CTNND2: variants seen among roughly 807,000 people sequenced by gnomAD.
CTNND2 encodes the protein catenin delta 2, also known as catenin delta-2.
A neutral mutation model predicts 144.4 loss-of-function variants in CTNND2; 22 were observed. The ratio of observed to expected loss-of-function variants is 0.15; its 90% CI spans 0.11 to 0.22. CTNND2 has a LOEUF of 0.22. Ranked by LOEUF, CTNND2 falls within the 10% of genes least tolerant of loss-of-function variation. The pLI is 1.00. For missense variants in CTNND2, 1,353 were observed against 1,618.8 expected, an observed-to-expected ratio of 0.84 and a Z score of 2.82; for synonymous variants, 751 against 695.6, an observed-to-expected ratio of 1.08 and a Z score of -1.25.
At chr5:11,177,106 A>G (rs1760551030) in intron 11 of CTNND2, among the ~76,000 whole-genome samples, 1 of 152,226 alleles carries the variant, frequency 6.6e-6, no homozygotes, top group Non-Finnish European at 1.5e-5. Context: ...GAATGTTATG[A>G]ACAGATGGAG....
chr5:11,863,457 G>A (rs1164439538), intron 1 of CTNND2, among the ~76,000 whole-genome samples: 2 of 152,174 alleles, frequency 1.3e-5, no homozygotes, highest in African/African-American at 4.8e-5. Context: ...GCATTACATG[G>A]ACAGCTGCTA....
At chr5:11,871,854 T>C (rs568243616) in intron 1 of CTNND2, among the ~76,000 whole-genome samples, 7 of 152,246 alleles carry the variant, frequency 4.6e-5, no homozygotes, top group East Asian at 1.9e-4. Flanking sequence ...AATGATTACA[T>C]AGTTTTAGGG....
chr5:11,774,433 G>C (rs1180412634), intron 1 of CTNND2, among the ~76,000 whole-genome samples: 1 of 148,300 alleles, frequency 6.7e-6, no homozygotes, highest in East Asian at 2.0e-4. Context: ...ATAGCACTGG[G>C]AGATATACCT....
At chr5:11,331,809 A>T (rs557675911) in intron 9 of CTNND2, among the ~76,000 whole-genome samples, 2 of 152,316 alleles carry the variant, frequency 1.3e-5, no homozygotes, top group African/African-American at 4.8e-5. Flanking sequence ...TTGGTCAATG[A>T]GTACAAAATT....
chr5:11,767,650 C>A (rs1298742377), intron 1 of CTNND2, among the ~76,000 whole-genome samples: 1 of 152,116 alleles, frequency 6.6e-6, no homozygotes, highest in African/African-American at 2.4e-5. Flanking sequence ...TCCTAGGATG[C>A]CTATCAAGGC....
chr5:11,451,054 G>T (rs1366543250), intron 3 of CTNND2, among the ~76,000 whole-genome samples: 2 of 151,576 alleles, frequency 1.3e-5, no homozygotes, highest in Non-Finnish European at 2.9e-5. Flanking sequence ...ATCATAACAT[G>T]CAAATGTAGA....
At chr5:11,084,933 C>T (rs1169769885) in intron 15 of CTNND2, among the ~76,000 whole-genome samples, 1 of 152,084 alleles carries the variant, frequency 6.6e-6, no homozygotes, top group Non-Finnish European at 1.5e-5. Flanking sequence ...CATCTCATCC[C>T]CTCTCCTTTA....
chr5:11,492,692 G>A (rs7710662), intron 3 of CTNND2, among the ~76,000 whole-genome samples: 21,014 of 151,356 alleles, frequency 0.14, 1,547 homozygotes, highest in Middle Eastern at 0.28. Context: ...CATTAATAAA[G>A]ATATATCTAT....
chr5:11,660,820 G>C (rs1477644253), intron 2 of CTNND2, among the ~76,000 whole-genome samples: 2 of 152,062 alleles, frequency 1.3e-5, no homozygotes, highest in African/African-American at 4.8e-5. Flanking sequence ...AAATTATCCA[G>C]ATGATAAAGT....
rs1760208564 is a variant in CTNND2 at position 11,397,065 on chromosome 5, G to A, written c.578C>T (p.Thr193Ile). 1 of 1,613,920 alleles carries A rather than the reference G, an allele frequency of 6.2e-7. No homozygotes were observed. Among genetic ancestry groups the A allele is most frequent in the East Asian group, 2.2e-5 (1 of 44,864 alleles). The change falls in exon 6 of 22, where the codon ACA becomes ATA. Residue 193 changes from threonine (T) to isoleucine (I), a missense_variant. Physicochemically the swap from Thr to Ile is moderately conservative, Grantham distance 89 (BLOSUM62 -1). Coordinates refer to ENST00000304623, the MANE Select transcript of CTNND2 (RefSeq NM_001332.4). ...TTPSQLPARG[T>I]QARATGQSFS... ...GCTCTGGCCCGTAGCTCGGGCTTGT[G>A]TGCCTCGGGCCGGGAGCTGTGAAGG... is the stretch of plus-strand genomic sequence containing the variant.
intron 12 of CTNND2, among the ~76,000 whole-genome samples, chr5:11,128,737 A>AT (rs1270921715): frequency 4.7e-5 from 2 of 42,298 alleles, no homozygotes; most frequent in African/African-American, 2.4e-4. Flanking sequence ...TATAATATAT[A>AT]TATTTATATA....
At chr5:11,891,528 A>G (rs1736961346) in intron 1 of CTNND2, among the ~76,000 whole-genome samples, 1 of 152,024 alleles carries the variant, frequency 6.6e-6, no homozygotes, top group Admixed American at 6.6e-5. Flanking sequence ...TGGAAATGGG[A>G]CCCCCGGAAG....
At chr5:11,496,262 A>G (rs937736230) in intron 3 of CTNND2, among the ~76,000 whole-genome samples, 2 of 152,230 alleles carry the variant, frequency 1.3e-5, no homozygotes, top group African/African-American at 4.8e-5. Flanking sequence ...CAGAACAGTC[A>G]GGAATGAGTG....
intron 3 of CTNND2, among the ~76,000 whole-genome samples, chr5:11,536,301 C>A (rs1467630589): frequency 6.6e-6 from 1 of 152,068 alleles, no homozygotes; most frequent in Admixed American, 6.5e-5. Context: ...TGGCCTCAAG[C>A]AATCCTCCTA....
intron 10 of CTNND2, among the ~76,000 whole-genome samples, chr5:11,227,920 T>C (rs1740535662): frequency 6.6e-6 from 1 of 152,212 alleles, no homozygotes; most frequent in African/African-American, 2.4e-5. Flanking sequence ...CAACTTCTAA[T>C]TTAAGACTTA....
At chr5:11,114,088 C>T (rs760150187) in intron 13 of CTNND2, among the ~76,000 whole-genome samples, 4 of 151,250 alleles carry the variant, frequency 2.6e-5, no homozygotes, top group South Asian at 2.2e-4. Flanking sequence ...AAACTCAGGG[C>T]GATGCATGAA....
intron 3 of CTNND2, among the ~76,000 whole-genome samples, chr5:11,430,027 G>A (rs568962195): frequency 2.0e-5 from 3 of 152,126 alleles, no homozygotes; most frequent in African/African-American, 7.2e-5. Context: ...CGAGGTGGGT[G>A]GATCATGAGG....
At chr5:11,027,077 C>G (rs1312286932) in intron 16 of CTNND2, 2 of 152,178 alleles carry the variant, frequency 1.3e-5, no homozygotes, top group Non-Finnish European at 2.9e-5. Context: ...AGCAGGTCAT[C>G]AGGTTCAAAG....
At chr5:11,128,300 C>T (rs943358292) in intron 12 of CTNND2, among the ~76,000 whole-genome samples, 2 of 152,020 alleles carry the variant, frequency 1.3e-5, no homozygotes, top group Non-Finnish European at 2.9e-5. Context: ...TGGCCACCAC[C>T]AAGCAAGTGG....
Sources: allele counts gnomAD v4.1 joint callset (sites outside exome capture counted in the v4.1 genomes callset), GRCh38; gene constraint gnomAD v4.1.1; transcripts MANE v1.5; gene names NCBI Gene and HGNC (gene_info 2026-07-23, HGNC 2026-07-21).